MAGI3: variants seen among roughly 807,000 people sequenced by gnomAD.
The protein encoded by MAGI3 is membrane-associated guanylate kinase, WW and PDZ domain-containing protein 3.
In MAGI3, 43 loss-of-function variants were observed where a neutral mutation model predicts 121.8. The observed-to-expected ratio is 0.35, with a 90% CI of 0.28 to 0.46. MAGI3 has a LOEUF of 0.46. Ranked by LOEUF, MAGI3 falls within the 20% of genes least tolerant of loss-of-function variation. MAGI3 has a pLI of 1.00. For missense variants in MAGI3, 1,547 were observed against 1,797.3 expected, an observed-to-expected ratio of 0.86 and a Z score of 2.52; for synonymous variants, 553 against 639.3, an observed-to-expected ratio of 0.86 and a Z score of 2.04.
At chr1:113,475,929 T>C (rs1019789693) in intron 1 of MAGI3, among the ~76,000 whole-genome samples, 5 of 152,218 alleles carry the variant, frequency 3.3e-5, no homozygotes, top group Non-Finnish European at 7.4e-5. Flanking sequence ...TATTCAGAGA[T>C]TCACCTTCTT....
chr1:113,665,832 C>A (rs954618700), intron 16 of MAGI3, among the ~76,000 whole-genome samples: 1 of 151,968 alleles, frequency 6.6e-6, no homozygotes, highest in Non-Finnish European at 1.5e-5. Context: ...TTTGAAAATA[C>A]ACTTTCTTTT....
chr1:113,634,749 G>C (rs1366355448), intron 9 of MAGI3, among the ~76,000 whole-genome samples: 1 of 152,124 alleles, frequency 6.6e-6, no homozygotes, highest in Non-Finnish European at 1.5e-5. Context: ...CTTTAAAGTA[G>C]TTTTTTCCAA....
In MAGI3 at chr1:113,684,050, C is replaced by G. The variant is rs201081799; in HGVS notation, c.*36C>G. The G allele has an allele frequency of 9.7e-5, 141 of 1,453,960 alleles. No individual in the cohort carries two copies. The African/African-American group carries it at 1.8e-3, about 18-fold the overall frequency. The allele number at this position is 1,453,960 out of a possible 1,614,324, so 90.1% of individuals were successfully genotyped here. ...AAAACAAAGAAAAACAAGTTGTAAT[C>G]TTTTCTTACAGCAGCATTTTTCCAG... On this transcript the variant is annotated 3_prime_UTR_variant, in exon 21 of 21. Coordinates refer to ENST00000307546, the MANE Select transcript of MAGI3 (RefSeq NM_001142782.2).
At chr1:113,402,706 A>G (rs1004115772) in intron 1 of MAGI3, among the ~76,000 whole-genome samples, 1 of 152,042 alleles carries the variant, frequency 6.6e-6, no homozygotes, top group Non-Finnish European at 1.5e-5. Context: ...TGAACTGTCA[A>G]GGATACCTTT....
At chr1:113,403,369 T>G (rs2101302259) in intron 1 of MAGI3, among the ~76,000 whole-genome samples, 2 of 152,272 alleles carry the variant, frequency 1.3e-5, no homozygotes, top group Middle Eastern at 6.8e-3. Context: ...TTGATGCTCG[T>G]GAACTGGTGA....
At chr1:113,450,776 G>A (rs1308251530) in intron 1 of MAGI3, 9 of 816,060 alleles carry the variant, frequency 1.1e-5, no homozygotes, top group African/African-American at 1.7e-5. Flanking sequence ...GAGAGAGAGC[G>A]AGGAGTTGTC....
In MAGI3 at chr1:113,529,174, A is replaced by T. The variant is rs1658591501; in HGVS notation, c.317-20341A>T. On this transcript the variant is annotated intron_variant, in intron 1 of 20. Transcript: ENST00000307546. ...CACCCTGTCATAGGTAAACATTTTT[A>T]TTCATTTCTAGTTTAGCCTCCTAGT... is the stretch of plus-strand genomic sequence containing the variant. Among the ~76,000 whole-genome samples the T allele has an allele frequency of 2.0e-5, 3 of 152,104 alleles. No homozygotes were observed. The South Asian group carries it at 6.2e-4, about 32-fold the overall frequency.
intron 1 of MAGI3, among the ~76,000 whole-genome samples, chr1:113,469,243 T>C (rs1421763598): frequency 6.6e-6 from 1 of 152,124 alleles, no homozygotes; most frequent in Non-Finnish European, 1.5e-5. Context: ...ACAGAAATAT[T>C]AAGTGATAGA....
chr1:113,393,127 A>G (rs1650917092), intron 1 of MAGI3, among the ~76,000 whole-genome samples: 1 of 152,214 alleles, frequency 6.6e-6, no homozygotes, highest in Admixed American at 6.5e-5. Context: ...TCTACCTGTT[A>G]TACATTTTTC....
chr1:113,584,209 A>G (rs180763224), intron 3 of MAGI3, among the ~76,000 whole-genome samples: 2 of 152,270 alleles, frequency 1.3e-5, no homozygotes, highest in Non-Finnish European at 1.5e-5. Flanking sequence ...TCATATATAT[A>G]TTTCTCTAAC....
rs1170899217 is a variant in MAGI3 at position 113,390,553 on chromosome 1, T to C, written c.-481T>C. Among the ~76,000 whole-genome samples the C allele has an allele frequency of 3.3e-5, 5 of 152,028 alleles. No homozygotes were observed. The highest frequency in any genetic ancestry group is 7.4e-5 in the Non-Finnish European group (5 of 67,926). On this transcript the variant is annotated 5_prime_UTR_variant, in exon 1 of 21. Coordinates refer to ENST00000307546, the MANE Select transcript of MAGI3 (RefSeq NM_001142782.2). ...CTTGGGCAGGCGTTGGTCTCCGCGC[T>C]ACAGCTCCGCAGCGGCCACGATCGA... is the stretch of plus-strand genomic sequence containing the variant.
intron 1 of MAGI3, among the ~76,000 whole-genome samples, chr1:113,458,940 C>G (rs1654899616): frequency 6.6e-6 from 1 of 152,180 alleles, no homozygotes; most frequent in South Asian, 2.1e-4. Context: ...TTAACCATAG[C>G]AAACCCAATT....
At chr1:113,484,013 A>G (rs994830291) in intron 1 of MAGI3, among the ~76,000 whole-genome samples, 1 of 152,160 alleles carries the variant, frequency 6.6e-6, no homozygotes, top group Non-Finnish European at 1.5e-5. Flanking sequence ...TTTAACATTG[A>G]TACAATATTA....
intron 1 of MAGI3, among the ~76,000 whole-genome samples, chr1:113,480,570 A>G (rs1656062025): frequency 6.6e-6 from 1 of 152,132 alleles, no homozygotes; most frequent in African/African-American, 2.4e-5. Context: ...TGGTGAAGTC[A>G]TGTGCTCACG....
chr1:113,678,926 T>G (rs918157901), intron 19 of MAGI3, among the ~76,000 whole-genome samples: 1 of 152,230 alleles, frequency 6.6e-6, no homozygotes, highest in African/African-American at 2.4e-5. Context: ...ATTTCTATTC[T>G]TTAGTCACCT....
intron 1 of MAGI3, among the ~76,000 whole-genome samples, chr1:113,480,612 C>T (rs1338725584): frequency 6.6e-6 from 1 of 152,206 alleles, no homozygotes; most frequent in Admixed American, 6.5e-5. Flanking sequence ...AAGGGTATTT[C>T]TCTTTACACT....
At chr1:113,668,354 A>G (rs537143894) in intron 16 of MAGI3, among the ~76,000 whole-genome samples, 4 of 152,288 alleles carry the variant, frequency 2.6e-5, no homozygotes, top group African/African-American at 4.8e-5. Flanking sequence ...TTGCTTTACT[A>G]TTTTAAGAAT....
At chr1:113,556,373 G>C (rs1032504265) in intron 2 of MAGI3, among the ~76,000 whole-genome samples, 2 of 152,012 alleles carry the variant, frequency 1.3e-5, no homozygotes, top group Admixed American at 6.6e-5. Flanking sequence ...AGTGGCTCAT[G>C]CCTGTAATCC....
At chr1:113,466,662 TG>T (rs149531199) in intron 1 of MAGI3, among the ~76,000 whole-genome samples, 10,304 of 152,232 alleles carry the variant, frequency 0.068, 475 homozygotes, top group Middle Eastern at 0.13. Context: ...TACTTGTTAT[TG>T]GTTTGTTGAG....
Sources: gnomAD v4.1 joint callset for allele counts (sites outside exome capture counted in the v4.1 genomes callset) on GRCh38, gnomAD v4.1.1 for gene constraint, MANE v1.5 for transcripts, NCBI Gene and HGNC (gene_info 2026-07-23, HGNC 2026-07-21) for gene names.